ANTXR1: variants seen among roughly 807,000 people sequenced by gnomAD.
ANTXR1 encodes the protein ANTXR cell adhesion molecule 1.
Under a neutral mutation model 78.1 loss-of-function variants are expected in ANTXR1, and 19 were observed. That is an observed-to-expected ratio of 0.24 (90% CI 0.17 to 0.36). ANTXR1 has a LOEUF of 0.36. Ranked by LOEUF, ANTXR1 falls within the 10% of genes least tolerant of loss-of-function variation. ANTXR1 has a pLI of 1.00. For synonymous variants in ANTXR1, 273 were observed against 260.5 expected (o/e 1.05, Z -0.46); for missense variants, 518 against 718.6 (o/e 0.72, Z 3.19).
At chr2:69,208,418 C>T (rs375647857) in intron 17 of ANTXR1, among the ~76,000 whole-genome samples, 2 of 152,168 alleles carry the variant, frequency 1.3e-5, no homozygotes, top group Non-Finnish European at 2.9e-5. Flanking sequence ...TGAGAAATGA[C>T]ATGTGCTATA....
At chr2:69,026,314 G>T (rs1338950400) in intron 1 of ANTXR1, among the ~76,000 whole-genome samples, 1 of 152,186 alleles carries the variant, frequency 6.6e-6, no homozygotes, top group South Asian at 2.1e-4. Flanking sequence ...GTATGTCCTT[G>T]AGTAAGCTAC....
At chr2:69,063,529 T>G (rs908242149) in intron 3 of ANTXR1, among the ~76,000 whole-genome samples, 17 of 151,732 alleles carry the variant, frequency 1.1e-4, no homozygotes, top group African/African-American at 4.1e-4. Flanking sequence ...AAAGGAATTC[T>G]TTAGGGTGAA....
At position 69,123,011 on chromosome 2, in the gene ANTXR1, T is replaced by A; in HGVS notation, c.803-6T>A. ...TCTTCTTAATCCAGTGATTTCCTTTTTGCAGATGAGAAGCCCTTTTCTGTG... is the reference window on the plus strand; with the variant it reads ...TCTTCTTAATCCAGTGATTTCCTTTATGCAGATGAGAAGCCCTTTTCTGTG... On this transcript the variant is annotated splice_polypyrimidine_tract_variant and splice_region_variant and intron_variant, in intron 10 of 17. Coordinates refer to ENST00000303714, the MANE Select transcript of ANTXR1 (RefSeq NM_032208.3). 6.2e-7 allele frequency: 1 copy of A among 1,614,134 alleles called. No individual in the cohort carries two copies. Among genetic ancestry groups the A allele is most frequent in the Non-Finnish European group, 8.5e-7 (1 of 1,179,962 alleles).
chr2:69,080,001 C>T (rs1270371957), intron 8 of ANTXR1, among the ~76,000 whole-genome samples: 2 of 152,192 alleles, frequency 1.3e-5, no homozygotes, highest in African/African-American at 2.4e-5. Context: ...CTGCAAAGAT[C>T]TTTAAGAAAT....
At chr2:69,196,085 A>C (rs1167423959) in intron 17 of ANTXR1, among the ~76,000 whole-genome samples, 1 of 152,238 alleles carries the variant, frequency 6.6e-6, no homozygotes, top group Non-Finnish European at 1.5e-5. Context: ...AATGAAAATA[A>C]ATGGAACTTC....
intron 17 of ANTXR1, among the ~76,000 whole-genome samples, chr2:69,194,294 A>G (rs1674612630): frequency 6.6e-6 from 1 of 152,244 alleles, no homozygotes. Flanking sequence ...CTCAACTACC[A>G]GCAACCTGCA....
chr2:69,128,792 G>T (rs182076918), intron 12 of ANTXR1, among the ~76,000 whole-genome samples: 105 of 152,292 alleles, frequency 6.9e-4, no homozygotes, highest in African/African-American at 2.0e-3. Flanking sequence ...AATCAAAAGT[G>T]ATCCCCTGGG....
chr2:69,221,683 CAAAAAAA>C (rs200296772), intron 17 of ANTXR1, among the ~76,000 whole-genome samples: 3 of 80,460 alleles, frequency 3.7e-5, no homozygotes, highest in African/African-American at 1.1e-4. Context: ...TTCCCCACTA[CAAAAAAA>C]AAAAAAAAAA....
At chr2:69,078,020 C>T (rs555819768) in intron 8 of ANTXR1, among the ~76,000 whole-genome samples, 12 of 152,350 alleles carry the variant, frequency 7.9e-5, no homozygotes, top group Non-Finnish European at 1.3e-4. Context: ...TTGAGACCCA[C>T]TGCTTTCGAC....
At position 69,044,650 on chromosome 2, in the gene ANTXR1, G is replaced by A. The variant is rs62135617; in HGVS notation, c.225-92G>A. 3.6e-3 allele frequency: 4,932 copies of A among 1,380,666 alleles called. 13 individuals are homozygous for A. The highest frequency in any genetic ancestry group is 4.8e-3 in the Admixed American group (285 of 59,476). The allele number at this position is 1,380,666 out of a possible 1,614,324, so 85.5% of individuals were successfully genotyped here. On this transcript the variant is annotated intron_variant, in intron 2 of 17. Coordinates refer to ENST00000303714, the MANE Select transcript of ANTXR1 (RefSeq NM_032208.3). The stretch of plus-strand genomic sequence containing the variant: ...TTATGGGTCTTCAGTTCTGGCAGCC[G>A]TGATAGAAAGGGAAGGACAGGGAGG...
intron 17 of ANTXR1, among the ~76,000 whole-genome samples, chr2:69,204,878 C>T (rs956239489): frequency 1.3e-5 from 2 of 152,190 alleles, no homozygotes; most frequent in Non-Finnish European, 2.9e-5. Flanking sequence ...ATGCTGTGCT[C>T]CCAGATCACC....
At chr2:69,232,051 G>A (rs1376314340) in intron 17 of ANTXR1, among the ~76,000 whole-genome samples, 1 of 152,182 alleles carries the variant, frequency 6.6e-6, no homozygotes, top group Non-Finnish European at 1.5e-5. Context: ...AGAGAGCCCT[G>A]AAAGAGCACC....
In ANTXR1 at chr2:69,122,980, C is replaced by A. The variant is rs139430470; in HGVS notation, c.803-37C>A. 2.6e-4 allele frequency: 420 copies of A among 1,598,188 alleles called. 1 individual carries two copies. The African/African-American group carries it at 5.0e-3, about 19-fold the overall frequency. On this transcript the variant is annotated intron_variant, in intron 10 of 17. Transcript: ENST00000303714. ...CATTGAATTTGAAATTATAAACTCA[C>A]CTCCCTCTTCTTAATCCAGTGATTT...
intron 3 of ANTXR1, among the ~76,000 whole-genome samples, chr2:69,060,224 A>T (rs377741455): frequency 3.3e-5 from 5 of 152,270 alleles, no homozygotes; most frequent in African/African-American, 9.6e-5. Context: ...TTCAAATCAG[A>T]TGCAATATTC....
chr2:69,173,703 A>G (rs111244683), intron 14 of ANTXR1, among the ~76,000 whole-genome samples: 4 of 152,230 alleles, frequency 2.6e-5, no homozygotes, highest in African/African-American at 9.6e-5. Flanking sequence ...CAAAGATCCT[A>G]TCGTTCCCAA....
intron 13 of ANTXR1, among the ~76,000 whole-genome samples, chr2:69,155,646 T>A (rs777218613): frequency 3.3e-5 from 5 of 152,192 alleles, no homozygotes; most frequent in Non-Finnish European, 5.9e-5. Context: ...ATGTTATGAA[T>A]GGCTTGAATG....
chr2:69,131,832 A>G (rs1172839241), intron 12 of ANTXR1, among the ~76,000 whole-genome samples: 2 of 152,172 alleles, frequency 1.3e-5, no homozygotes, highest in African/African-American at 4.8e-5. Context: ...TTCTATCTTC[A>G]TATCCAAGGA....
chr2:69,219,388 C>CACACACACACACACAA (rs1675261204), intron 17 of ANTXR1, among the ~76,000 whole-genome samples: 1 of 137,192 alleles, frequency 7.3e-6, no homozygotes, highest in African/African-American at 3.4e-5. Flanking sequence ...AAGGAGGACA[C>CACACACACACACACAA]ACACACACAC....
At chr2:69,059,265 G>A (rs563827808) in intron 3 of ANTXR1, among the ~76,000 whole-genome samples, 3 of 152,262 alleles carry the variant, frequency 2.0e-5, no homozygotes, top group East Asian at 3.9e-4. Flanking sequence ...GAAATCTTGT[G>A]TGAAAGGAAG....
Sources: allele counts gnomAD v4.1 joint callset (sites outside exome capture counted in the v4.1 genomes callset), GRCh38; gene constraint gnomAD v4.1.1; transcripts MANE v1.5; gene names NCBI Gene and HGNC (gene_info 2026-07-23, HGNC 2026-07-21).